CHST9: variants seen among roughly 807,000 people sequenced by gnomAD.
CHST9 encodes GalNAc-4-sulfotransferase 2.
In CHST9, 41 loss-of-function variants were observed where a neutral mutation model predicts 44.4. The observed-to-expected ratio is 0.92, with a 90% CI of 0.72 to 1.20. CHST9 has a LOEUF of 1.20. CHST9 is among the 50% of genes most tolerant of loss of function. The pLI is 0.00. For synonymous variants in CHST9, 171 were observed against 178.4 expected (o/e 0.96, Z 0.33); for missense variants, 504 against 516.5 (o/e 0.98, Z 0.23).
At chr18:27,092,068 C>T (rs891596257) in intron 2 of CHST9, among the ~76,000 whole-genome samples, 11 of 151,888 alleles carry the variant, frequency 7.2e-5, no homozygotes, top group African/African-American at 2.2e-4. Flanking sequence ...ATGAATCTGT[C>T]GTCCTGGACT....
chr18:26,980,361 A>G (rs2056677181), intron 4 of CHST9, among the ~76,000 whole-genome samples: 4 of 152,296 alleles, frequency 2.6e-5, no homozygotes, highest in African/African-American at 9.6e-5. Flanking sequence ...TGCTTAATCC[A>G]ACTATATAAA....
chr18:26,920,907 C>A (rs1230883454), intron 5 of CHST9, among the ~76,000 whole-genome samples: 2 of 152,164 alleles, frequency 1.3e-5, no homozygotes, highest in Non-Finnish European at 2.9e-5. Context: ...ACGCTGTCTC[C>A]AAACCTGTCG....
intron 2 of CHST9, among the ~76,000 whole-genome samples, chr18:27,087,823 G>A (rs1598712907): frequency 6.6e-6 from 1 of 152,148 alleles, no homozygotes; most frequent in Non-Finnish European, 1.5e-5. Flanking sequence ...TGTGAAAAGG[G>A]CATCTGTAAG....
intron 4 of CHST9, among the ~76,000 whole-genome samples, chr18:27,019,791 G>C (rs909777497): frequency 7.3e-5 from 11 of 150,714 alleles, no homozygotes; most frequent in Non-Finnish European, 1.2e-4. Context: ...TGTGAGTCTT[G>C]TGTTCTAAGT....
intron 3 of CHST9, among the ~76,000 whole-genome samples, chr18:27,028,859 C>T (rs1255236445): frequency 6.6e-6 from 1 of 152,134 alleles, no homozygotes; most frequent in Non-Finnish European, 1.5e-5. Context: ...GTAAAAGTAA[C>T]TTCTATTGTA....
At chr18:27,055,261 GA>G (rs2057641477) in intron 2 of CHST9, among the ~76,000 whole-genome samples, 1 of 152,110 alleles carries the variant, frequency 6.6e-6, no homozygotes. Flanking sequence ...ATAACCACCA[GA>G]TAATATAATG....
At chr18:27,072,170 T>C (rs1178761067) in intron 2 of CHST9, among the ~76,000 whole-genome samples, 2 of 152,214 alleles carry the variant, frequency 1.3e-5, no homozygotes, top group Non-Finnish European at 2.9e-5. Flanking sequence ...GTGAAGTCTC[T>C]GCTCTGAGAA....
At position 27,146,400 on chromosome 18, in the gene CHST9, GA is replaced by G. The variant is rs1312465104; in HGVS notation, c.-96-3496del. 2.0e-5 allele frequency among the ~76,000 whole-genome samples: 3 copies of G among 152,310 alleles called. No homozygotes were observed. In the East Asian group the frequency reaches 5.8e-4, roughly 29 times the overall value. On this transcript the variant is annotated intron_variant, in intron 1 of 5. Coordinates refer to ENST00000618847, the MANE Select transcript of CHST9 (RefSeq NM_031422.6). ...TCCATTAACCCAACGTTGGCGTTAG[GA>G]AATGGCTCTCATTAAACAAAGGTGA...
intron 2 of CHST9, among the ~76,000 whole-genome samples, chr18:27,106,867 A>G (rs1296199381): frequency 6.6e-6 from 1 of 152,194 alleles, no homozygotes. Context: ...ATTTACCTAG[A>G]TCTTTTTCAT....
intron 4 of CHST9, among the ~76,000 whole-genome samples, chr18:26,959,008 A>G (rs987481539): frequency 2.0e-5 from 3 of 152,214 alleles, no homozygotes; most frequent in Non-Finnish European, 2.9e-5. Flanking sequence ...CCAAAAAGAC[A>G]TATGCACTCA....
chr18:26,922,850 G>T (rs1331545895), intron 5 of CHST9, among the ~76,000 whole-genome samples: 3 of 152,084 alleles, frequency 2.0e-5, no homozygotes, highest in Non-Finnish European at 4.4e-5. Context: ...TGGCCAGGCT[G>T]GTCTCAAGCT....
chr18:26,994,868 C>T (rs1352446692), intron 4 of CHST9, among the ~76,000 whole-genome samples: 3 of 151,898 alleles, frequency 2.0e-5, no homozygotes, highest in South Asian at 2.1e-4. Context: ...GGATTACAGG[C>T]GTGAGCCATT....
chr18:27,120,961 G>A (rs1452949593), intron 2 of CHST9, among the ~76,000 whole-genome samples: 3 of 152,108 alleles, frequency 2.0e-5, no homozygotes, highest in African/African-American at 7.2e-5. Context: ...AGAGTTAAAT[G>A]TGGTTTCATG....
In CHST9 at chr18:27,103,564, C is replaced by T. The variant is rs142783744; in HGVS notation, c.121+39125G>A. On this transcript the variant is annotated intron_variant, in intron 2 of 5. Coordinates refer to ENST00000618847, the MANE Select transcript of CHST9 (RefSeq NM_031422.6). ...AACCAGCATGGTGCTAAGATGGTGA[C>T]CGCAAGAGTATGCGATCAAATGAGG... 2.3e-3 allele frequency among the ~76,000 whole-genome samples: 356 copies of T among 152,304 alleles called. 1 individual carries two copies. The highest frequency in any genetic ancestry group is 4.4e-3 in the Non-Finnish European group (299 of 68,038).
chr18:27,104,044 T>C (rs1304279013), intron 2 of CHST9, among the ~76,000 whole-genome samples: 1 of 152,176 alleles, frequency 6.6e-6, no homozygotes, highest in Non-Finnish European at 1.5e-5. Flanking sequence ...TAATATGATA[T>C]TTAAAATCTT....
chr18:27,091,847 C>A (rs1218887557), intron 2 of CHST9, among the ~76,000 whole-genome samples: 1 of 152,102 alleles, frequency 6.6e-6, no homozygotes, highest in African/African-American at 2.4e-5. Flanking sequence ...ATTTGGTTTG[C>A]CAGTATTTTA....
chr18:26,931,736 A>G (rs1165938551), intron 5 of CHST9, among the ~76,000 whole-genome samples: 1 of 152,226 alleles, frequency 6.6e-6, no homozygotes, highest in Non-Finnish European at 1.5e-5. Flanking sequence ...GTGTGGTAAG[A>G]GTGAGCTTTG....
chr18:26,941,185 G>C (rs1266049506), intron 5 of CHST9, among the ~76,000 whole-genome samples: 1 of 152,122 alleles, frequency 6.6e-6, no homozygotes, highest in Non-Finnish European at 1.5e-5. Context: ...GCCTCTCTCT[G>C]CACTGGGTCA....
chr18:27,098,257 G>A (rs2058136884), intron 2 of CHST9, among the ~76,000 whole-genome samples: 1 of 151,848 alleles, frequency 6.6e-6, no homozygotes, highest in African/African-American at 2.4e-5. Flanking sequence ...ACCACAATGA[G>A]ATACCATCTC....
Sources: gnomAD v4.1 joint callset for allele counts (sites outside exome capture counted in the v4.1 genomes callset) on GRCh38, gnomAD v4.1.1 for gene constraint, MANE v1.5 for transcripts, NCBI Gene and HGNC (gene_info 2026-07-23, HGNC 2026-07-21) for gene names.